The following ADIPOQ variants were observed in gnomAD, a reference collection of about 807,000 sequenced individuals.
ADIPOQ encodes the protein adiponectin, C1Q and collagen domain containing, also known as adiponectin.
Under a neutral mutation model 16.1 loss-of-function variants are expected in ADIPOQ, and 19 were observed. That is an observed-to-expected ratio of 1.18 (90% CI 0.82 to 1.73). The LOEUF (loss-of-function observed/expected upper bound fraction) is 1.73, where lower values mean the gene tolerates loss of function less well. ADIPOQ is among the 40% of genes most tolerant of loss of function. The pLI is 0.00. For missense variants in ADIPOQ, 323 were observed against 308.3 expected, an observed-to-expected ratio of 1.05 and a Z score of -0.36; for synonymous variants, 124 against 125.5, an observed-to-expected ratio of 0.99 and a Z score of 0.08.
At chr3:186,846,231 A>G (rs1407032112) in intron 1 of ADIPOQ, among the ~76,000 whole-genome samples, 1 of 144,648 alleles carries the variant, frequency 6.9e-6, no homozygotes, top group Non-Finnish European at 1.5e-5. Flanking sequence ...TTTGGCTCTG[A>G]CATTTGAGGA....
rs184497302 is a variant in ADIPOQ, at chr3:186,843,308, G to A, written c.-9+559G>A. On this transcript the variant is annotated intron_variant, in intron 1 of 2. Transcript: ENST00000320741. ...AAGATACAATGAGTGTGACATGGTTGTTGTCTATGGATTTGGGGATATATG... is the reference window on the plus strand; with the variant it reads ...AAGATACAATGAGTGTGACATGGTTATTGTCTATGGATTTGGGGATATATG... Among the ~76,000 whole-genome samples the A allele has an allele frequency of 4.6e-5, 7 of 152,296 alleles. No homozygotes were observed. In the East Asian group the frequency reaches 1.2e-3, roughly 25 times the overall value.
intron 1 of ADIPOQ, among the ~76,000 whole-genome samples, chr3:186,849,911 T>TAC (rs1403640687): frequency 5.7e-4 from 73 of 128,970 alleles, no homozygotes; most frequent in African/African-American, 2.1e-3. Context: ...TATCAAACAA[T>TAC]AGAAAAAAAC....
chr3:186,847,423 T>C (rs1711607120), intron 1 of ADIPOQ, among the ~76,000 whole-genome samples: 1 of 152,266 alleles, frequency 6.6e-6, no homozygotes, highest in South Asian at 2.1e-4. Context: ...AAATTTGTTA[T>C]ACAACAACTA....
intron 1 of ADIPOQ, chr3:186,852,612 G>C (rs1711818257): frequency 5.3e-6 from 1 of 187,030 alleles, no homozygotes; most frequent in Non-Finnish European, 1.1e-5. Context: ...TGAGAGAGAA[G>C]GGGGGAAAGA....
At chr3:186,842,916 C>T (rs906635929) in intron 1 of ADIPOQ, among the ~76,000 whole-genome samples, 167 bp downstream of exon 1, 11 of 152,220 alleles carry the variant, frequency 7.2e-5, no homozygotes, top group African/African-American at 1.9e-4. Flanking sequence ...CTTCTTCCTC[C>T]GTTCTCCCAC....
chr3:186,854,707 A>G lies in ADIPOQ; in HGVS notation c.*3A>G, dbSNP rs1382601958. ...TTCTCTACCATGACACCAACTGATC[A>G]CCACTAACTCAGAGCCTCCTCCAGG... On this transcript the variant is annotated 3_prime_UTR_variant, in exon 3 of 3. Transcript: ENST00000320741. 3.7e-6 allele frequency: 6 copies of G among 1,613,942 alleles called. No homozygotes were observed. In the African/African-American group the frequency reaches 4.0e-5, roughly 11 times the overall value.
At position 186,852,977 on chromosome 3, in the gene ADIPOQ, C is replaced by G; in HGVS notation, c.-8-74C>G. ...TAGACTCTGCTGAGATGGACGGAGT[C>G]CTTTGTAGGTCCCAACTGGGTGTGT... On this transcript the variant is annotated intron_variant, in intron 1 of 2. Transcript: ENST00000320741. 4 of 1,513,452 alleles carry G rather than the reference C, an allele frequency of 2.6e-6. No individual in the cohort carries two copies. The Admixed American group carries it at 6.9e-5, about 26-fold the overall frequency. The allele number at this position is 1,513,452 out of a possible 1,614,324, so 93.8% of individuals were successfully genotyped here.
intron 1 of ADIPOQ, among the ~76,000 whole-genome samples, chr3:186,845,317 T>C (rs1711552468): frequency 6.6e-6 from 1 of 152,180 alleles, no homozygotes; most frequent in African/African-American, 2.4e-5. Context: ...CCATTTATTA[T>C]TGGGTTGCAC....
At chr3:186,845,777 A>C (rs1312975330) in intron 1 of ADIPOQ, among the ~76,000 whole-genome samples, 1 of 152,240 alleles carries the variant, frequency 6.6e-6, no homozygotes, top group African/African-American at 2.4e-5. Context: ...CGTTAGAGTC[A>C]AAAGCAGGGC....
chr3:186,853,658 G>C (rs1354420445), intron 2 of ADIPOQ: 1 of 281,920 alleles, frequency 3.5e-6, no homozygotes, highest in South Asian at 4.4e-5. Context: ...TCTTGATCTA[G>C]GTAAGATGTC....
chr3:186,846,626 C>T (rs1711588866), intron 1 of ADIPOQ, among the ~76,000 whole-genome samples: 1 of 152,160 alleles, frequency 6.6e-6, no homozygotes. Flanking sequence ...TCCTGCCAGT[C>T]CCAGAGGGGA....
Position 186,855,843 on chromosome 3 carries a change from T to A in ADIPOQ, c.*1139T>A, listed in dbSNP as rs1711980067. On this transcript the variant is annotated 3_prime_UTR_variant, in exon 3 of 3. Coordinates refer to ENST00000320741, the MANE Select transcript of ADIPOQ (RefSeq NM_004797.4). ...CTAGAGGCAACTGCCCAGGAAGGAC[T>A]GTGCTTCCGTCACCTCTAAATCCCT... 6.6e-6 allele frequency: 1 copy of A among 152,242 alleles called. No individual in the cohort carries two copies. The highest frequency in any genetic ancestry group is 2.1e-4 in the South Asian group (1 of 4,832). The allele number at this position is 152,242 out of a possible 1,614,324, so 9.4% of individuals were successfully genotyped here.
chr3:186,842,862 T>C (rs1354728342), intron 1 of ADIPOQ, 113 bp downstream of exon 1: 1 of 152,328 alleles, frequency 6.6e-6, no homozygotes, highest in African/African-American at 2.4e-5. Flanking sequence ...TACAGGTGGA[T>C]ACTCTGGTCA....
In ADIPOQ at chr3:186,854,992, T is replaced by A; in HGVS notation, c.*288T>A. 2.2e-6 allele frequency: 1 copy of A among 456,140 alleles called. No homozygotes were observed. Among genetic ancestry groups the A allele is most frequent in the African/African-American group, 2.0e-5 (1 of 50,578 alleles). 28.3% of individuals were successfully genotyped at this position (456,140 alleles called of 1,614,324 possible). A position where few individuals can be genotyped will look rare whatever the true frequency, so the allele number is the denominator to read the frequency against. On this transcript the variant is annotated 3_prime_UTR_variant, in exon 3 of 3. Coordinates refer to ENST00000320741, the MANE Select transcript of ADIPOQ (RefSeq NM_004797.4). The stretch of plus-strand genomic sequence containing the variant: ...TCTCCTGATGCTCATATCAATCCTA[T>A]AAGGCACAGGGAACAAGCATTCTCC...
chr3:186,854,955 G>C lies in ADIPOQ; in HGVS notation c.*251G>C, dbSNP rs192491840. On this transcript the variant is annotated 3_prime_UTR_variant, in exon 3 of 3. Coordinates refer to ENST00000320741, the MANE Select transcript of ADIPOQ (RefSeq NM_004797.4). Reference sequence around the variant, plus strand: ...AAGAAGTAGTTGACAGTGCTATTTTGTGCCCACTGTCTCTCCTGATGCTCA... The same window carrying C: ...AAGAAGTAGTTGACAGTGCTATTTTCTGCCCACTGTCTCTCCTGATGCTCA... The C allele has an allele frequency of 1.8e-6, 1 of 542,466 alleles. No individual in the cohort carries two copies. The highest frequency in any genetic ancestry group is 3.5e-5 in the East Asian group (1 of 28,884). 33.6% of individuals were successfully genotyped at this position (542,466 alleles called of 1,614,324 possible). A position where few individuals can be genotyped will look rare whatever the true frequency, so the allele number is the denominator to read the frequency against.
chr3:186,848,105 G>A (rs536524224), intron 1 of ADIPOQ, among the ~76,000 whole-genome samples: 1 of 151,690 alleles, frequency 6.6e-6, no homozygotes, highest in Non-Finnish European at 1.5e-5. Context: ...CCCAGGAGGC[G>A]GAGGTTGCAG....
rs1711851134 is a variant in ADIPOQ at position 186,853,190 on chromosome 3, AGGGCATCCGG to A, written c.134_143del (p.Gly45AlafsTer121). ...GCACAGGTTGGATGGCGGGCATCCC[AGGGCATCCGG>A]GCCATAATGGGGCCCCAGGCCGTGA... On this transcript the variant is annotated frameshift_variant, in exon 2 of 3. Coordinates refer to ENST00000320741, the MANE Select transcript of ADIPOQ (RefSeq NM_004797.4). LOFTEE classifies it high-confidence loss of function. 6.2e-7 allele frequency: 1 copy of A among 1,613,936 alleles called. No individual in the cohort carries two copies. Among genetic ancestry groups the A allele is most frequent in the African/African-American group, 1.3e-5 (1 of 74,946 alleles).
chr3:186,858,126 T>C lies in ADIPOQ; in HGVS notation c.*3422T>C, dbSNP rs1395837991. On this transcript the variant is annotated 3_prime_UTR_variant, in exon 3 of 3. Transcript: ENST00000320741. ...AGCTGGAACTACAGGCTCATGCCAC[T>C]GCGCCCAGCTAATTTTTGTATTTTT... 1.3e-5 allele frequency: 2 copies of C among 152,048 alleles called. No homozygotes were observed. The highest frequency in any genetic ancestry group is 3.9e-4 in the East Asian group (2 of 5,180). The allele number at this position is 152,048 out of a possible 1,614,324, so 9.4% of individuals were successfully genotyped here.
Position 186,858,100 on chromosome 3 carries a change from TA to T in ADIPOQ, c.*3397del, listed in dbSNP as rs1183126647. ...AATTCTCCTGCCTCAGCCTCCCAAG[TA>T]GCTGGAACTACAGGCTCATGCCACT... On this transcript the variant is annotated 3_prime_UTR_variant, in exon 3 of 3. Coordinates refer to ENST00000320741, the MANE Select transcript of ADIPOQ (RefSeq NM_004797.4). The T allele has an allele frequency of 6.6e-6, 1 of 152,162 alleles. No homozygotes were observed. Among genetic ancestry groups the T allele is most frequent in the Non-Finnish European group, 1.5e-5 (1 of 68,076 alleles). The allele number at this position is 152,162 out of a possible 1,614,324, so 9.4% of individuals were successfully genotyped here. A position where few individuals can be genotyped will look rare whatever the true frequency, so the allele number is the denominator to read the frequency against.
Sources: gnomAD v4.1 joint callset for allele counts (sites outside exome capture counted in the v4.1 genomes callset) on GRCh38, gnomAD v4.1.1 for gene constraint, MANE v1.5 for transcripts, NCBI Gene and HGNC (gene_info 2026-07-23, HGNC 2026-07-21) for gene names.